The following ZNF556 variants were observed in gnomAD, a reference collection of about 807,000 sequenced individuals.
ZNF556 encodes zinc finger protein 556.
In ZNF556, 11 loss-of-function variants were observed where a neutral mutation model predicts 13.6. The ratio of observed to expected loss-of-function variants is 0.81; its 90% confidence interval spans 0.51 to 1.33. ZNF556 has a LOEUF of 1.33. Ranked by LOEUF, ZNF556 falls within the 40% of genes most tolerant of loss-of-function variation. The pLI is 0.00. For missense variants in ZNF556, 633 were observed against 566.2 expected (o/e 1.12, Z -1.20); for synonymous variants, 229 against 207.8 (o/e 1.10, Z -0.88).
intron 1 of ZNF556, among the ~76,000 whole-genome samples, chr19:2,872,129 T>C (rs927833804): frequency 6.6e-6 from 1 of 152,100 alleles, no homozygotes; most frequent in Admixed American, 6.5e-5. Context: ...TGAAGCACAG[T>C]ATCACAGGGA....
At chr19:2,875,075 C>G (rs2087839502) in intron 2 of ZNF556, 1 of 157,476 alleles carries the variant, frequency 6.4e-6, no homozygotes, top group African/African-American at 2.4e-5. Flanking sequence ...TCAGATGATT[C>G]TGGTTTGGTT....
rs148701751 is a variant in ZNF556, at chr19:2,877,732, G to A, written c.774G>A (p.Pro258=). ...TGATGATGCACGCCGGAGGGAGACC[G>A]TATGAGTGCAAGCACTGTGGGAAAG... ...AHVMMHAGGR[P]YECKHCGKAF... is the part of the protein sequence containing the mutation. The change falls in exon 4 of 4, where the codon CCG becomes CCA. Residue 258 remains proline, a synonymous_variant. Coordinates refer to ENST00000307635, the MANE Select transcript of ZNF556 (RefSeq NM_024967.3). 105 of 1,613,130 alleles carry A rather than the reference G, an allele frequency of 6.5e-5. 1 individual carries two copies. The South Asian group carries it at 8.5e-4, about 13-fold the overall frequency.
chr19:2,873,047 C>T (rs113029766), intron 1 of ZNF556, among the ~76,000 whole-genome samples: 20 of 150,836 alleles, frequency 1.3e-4, no homozygotes, highest in Non-Finnish European at 1.9e-4. Flanking sequence ...GCAGGACAAT[C>T]GCTTGAACCC....
chr19:2,877,190 A>G (rs2087859218), intron 3 of ZNF556, 83 bp from the exon 4 acceptor site: 5 of 1,186,226 alleles, frequency 4.2e-6, no homozygotes, highest in African/African-American at 1.6e-5. Context: ...AGCCTGGGGA[A>G]CAAGAGCAAA....
At position 2,878,261 on chromosome 19, in the gene ZNF556, A is replaced by G. The variant is rs771900877; in HGVS notation, c.1303A>G (p.Ser435Gly). The G allele has an allele frequency of 1.2e-6, 2 of 1,614,114 alleles. No homozygotes were observed. Among genetic ancestry groups the G allele is most frequent in the African/African-American group, 1.3e-5 (1 of 74,946 alleles). ...ATGCGAAAAATGTGGGAAAGCTTTC[A>G]GTTGTCCCAAAGCCTTTCAAGGTCA... ...SKCEKCGKAF[S>G]CPKAFQGHVR... is the part of the protein sequence containing the mutation. Residue 435 changes from serine to glycine, a missense_variant, in exon 4 of 4, where the codon AGT becomes GGT. Coordinates refer to ENST00000307635, the MANE Select transcript of ZNF556 (RefSeq NM_024967.3).
intron 1 of ZNF556, among the ~76,000 whole-genome samples, chr19:2,870,494 C>A (rs1401431330): frequency 6.6e-6 from 1 of 151,894 alleles, no homozygotes; most frequent in Admixed American, 6.6e-5. Flanking sequence ...CGCCTGTAAT[C>A]CCAGCACTTT....
chr19:2,879,185 CCTT>C lies in ZNF556; in HGVS notation c.*861_*863del, dbSNP rs1462246546. 4.6e-5 allele frequency: 7 copies of C among 152,112 alleles called. No homozygotes were observed. Among genetic ancestry groups the C allele is most frequent in the African/African-American group, 1.4e-4 (6 of 41,420 alleles). The allele number at this position is 152,112 out of a possible 1,614,324, so 9.4% of individuals were successfully genotyped here. On this transcript the variant is annotated 3_prime_UTR_variant, in exon 4 of 4. Coordinates refer to ENST00000307635, the MANE Select transcript of ZNF556 (RefSeq NM_024967.3). ...GGCTTTATGCTATTGGTCAGAGAAT[CCTT>C]CTTCATTTTGCTTGTGGACTAATAG... is the stretch of plus-strand genomic sequence containing the variant.
intron 1 of ZNF556, among the ~76,000 whole-genome samples, chr19:2,869,276 T>A (rs993847640): frequency 6.6e-6 from 1 of 152,184 alleles, no homozygotes; most frequent in Non-Finnish European, 1.5e-5. Flanking sequence ...ATTCCAGCTT[T>A]CCTGTGTGAA....
At position 2,877,824 on chromosome 19, in the gene ZNF556, G is replaced by T; in HGVS notation, c.866G>T (p.Cys289Phe). The part of the protein sequence containing the change: ...IMHAGGRPYE[C>F]KQCGKAYCWA... ...CACGCCGGAGGGAGACCGTATGAGT[G>T]CAAGCAGTGTGGGAAAGCCTACTGC... is the stretch of plus-strand genomic sequence containing the variant. Residue 289 changes from cysteine (C) to phenylalanine (F), a missense_variant, in exon 4 of 4, where the codon TGC becomes TTC. Transcript: ENST00000307635. 1 of 1,614,188 alleles carries T rather than the reference G, an allele frequency of 6.2e-7. No homozygotes were observed. The highest frequency in any genetic ancestry group is 8.5e-7 in the Non-Finnish European group (1 of 1,180,030).
At position 2,873,471 on chromosome 19, in the gene ZNF556, T is replaced by G. The variant is rs73918824; in HGVS notation, c.4-25T>G. 3,556 of 1,612,952 alleles carry G rather than the reference T, an allele frequency of 2.2e-3. 58 individuals carry two copies. The African/African-American group carries it at 0.042, about 19-fold the overall frequency. On this transcript the variant is annotated intron_variant, in intron 1 of 3. Coordinates refer to ENST00000307635, the MANE Select transcript of ZNF556 (RefSeq NM_024967.3). ...TGCTGTGAGTTTTACCCCATCCTCATGTACACATATGTGGTTTGTTTTAGG... is the reference window on the plus strand; with the variant it reads ...TGCTGTGAGTTTTACCCCATCCTCAGGTACACATATGTGGTTTGTTTTAGG...
rs566518374 is a variant in ZNF556 at position 2,874,419 on chromosome 19, C to G, written c.130+797C>G. 2.6e-5 allele frequency among the ~76,000 whole-genome samples: 4 copies of G among 152,040 alleles called. No individual in the cohort carries two copies. In the South Asian group the frequency reaches 8.3e-4, roughly 32 times the overall value. On this transcript the variant is annotated intron_variant, in intron 2 of 3. Transcript: ENST00000307635. Reference sequence around the variant, plus strand: ...TCTGTGATAATAAAAATCTACCTATCAATCTGTACTTTTCTTTCTGCCTTG... The same window carrying G: ...TCTGTGATAATAAAAATCTACCTATGAATCTGTACTTTTCTTTCTGCCTTG...
rs527805960 is a variant in ZNF556, at chr19:2,867,353, C to T, written c.-69C>T. On this transcript the variant is annotated 5_prime_UTR_variant, in exon 1 of 4. Transcript: ENST00000307635. The stretch of plus-strand genomic sequence containing the variant: ...CTGCCCTGAGTGACCACAGGTGTCC[C>T]CGTCGTGCTCACCTGCACCGGCTGC... 4 of 1,554,590 alleles carry T rather than the reference C, an allele frequency of 2.6e-6. No homozygotes were observed. The highest frequency in any genetic ancestry group is 3.5e-6 in the Non-Finnish European group (4 of 1,147,116).
At chr19:2,875,538 G>T in intron 2 of ZNF556, 2 of 168,194 alleles carry the variant, frequency 1.2e-5, no homozygotes, top group South Asian at 2.9e-4. Flanking sequence ...CTTTGGTTCT[G>T]GAGACCCTGC....
At position 2,881,591 on chromosome 19, in the gene ZNF556, T is replaced by C. The variant is rs527353174; in HGVS notation, c.*3262T>C. ...AGACTCCATCTCAAAAAAAAAAAAATTTTTTTTTTGGATAATATCAAGGCA... is the reference window on the plus strand; with the variant it reads ...AGACTCCATCTCAAAAAAAAAAAAACTTTTTTTTTGGATAATATCAAGGCA... On this transcript the variant is annotated 3_prime_UTR_variant, in exon 4 of 4. Coordinates refer to ENST00000307635, the MANE Select transcript of ZNF556 (RefSeq NM_024967.3). 6.8e-6 allele frequency: 1 copy of C among 147,656 alleles called. No homozygotes were observed. The highest frequency in any genetic ancestry group is 6.8e-5 in the Admixed American group (1 of 14,664). The allele number at this position is 147,656 out of a possible 1,614,324, so 9.1% of individuals were successfully genotyped here.
chr19:2,877,577 T>C lies in ZNF556; in HGVS notation c.619T>C (p.Ser207Pro), dbSNP rs748768302. ...TGGAGAGAAACCCTATGCCTGTCAA[T>C]CTTGCGGGAAGACATTTCTTCGTTC... ...HSGEKPYACQ[S>P]CGKTFLRSHS... Residue 207 changes from serine to proline, a missense_variant, in exon 4 of 4, where the codon TCT (serine) becomes CCT (proline). By Grantham distance (74) the Ser-to-Pro change is moderately conservative. Coordinates refer to ENST00000307635, the MANE Select transcript of ZNF556 (RefSeq NM_024967.3). The C allele has an allele frequency of 1.2e-6, 2 of 1,614,096 alleles. No individual in the cohort carries two copies.
At position 2,878,193 on chromosome 19, in the gene ZNF556, C is replaced by A; in HGVS notation, c.1235C>A (p.Ser412Tyr). The change falls in exon 4 of 4, where the codon TCT (serine) becomes TAT (tyrosine). Residue 412 changes from serine (S) to tyrosine (Y), a missense_variant. Coordinates refer to ENST00000307635, the MANE Select transcript of ZNF556 (RefSeq NM_024967.3). The stretch of plus-strand genomic sequence containing the variant: ...GGAAAACCTTCAGGCGGGCTTTGCT[C>A]TTCCAAAAATGTAAGAACGCAGATT... ...SVGKPSGGLC[S>Y]SKNVRTQIGQ... 6.2e-7 allele frequency: 1 copy of A among 1,614,176 alleles called. No homozygotes were observed. Among genetic ancestry groups the A allele is most frequent in the Non-Finnish European group, 8.5e-7 (1 of 1,180,040 alleles).
At position 2,882,531 on chromosome 19, in the gene ZNF556, A is replaced by ATATATAGTTGT. The variant is rs57053138; in HGVS notation, c.*4202_*4203insTATATAGTTGT. The stretch of plus-strand genomic sequence containing the variant: ...ATACATTTTATATATATATATATAT[A>ATATATAGTTGT]GTGTGTGTGTGTGTGTGTGTGTGTG... On this transcript the variant is annotated 3_prime_UTR_variant, in exon 4 of 4. Transcript: ENST00000307635. The ATATATAGTTGT allele has an allele frequency of 7.8e-6, 1 of 127,722 alleles. No homozygotes were observed. Among genetic ancestry groups the ATATATAGTTGT allele is most frequent in the African/African-American group, 3.0e-5 (1 of 32,940 alleles). 7.9% of individuals were successfully genotyped at this position (127,722 alleles called of 1,614,324 possible).
In ZNF556 at chr19:2,882,927, G is replaced by A. The variant is rs1464391460; in HGVS notation, c.*4598G>A. ...ACTTCATCTGGATTTGAACCACAAT[G>A]TGGGTGTTTGTTTTTAATACCTTTG... On this transcript the variant is annotated 3_prime_UTR_variant, in exon 4 of 4. Transcript: ENST00000307635. 1 of 152,200 alleles carries A rather than the reference G, an allele frequency of 6.6e-6. No homozygotes were observed. The highest frequency in any genetic ancestry group is 1.5e-5 in the Non-Finnish European group (1 of 68,052). The allele number at this position is 152,200 out of a possible 1,614,324, so 9.4% of individuals were successfully genotyped here.
chr19:2,878,072 T>C lies in ZNF556; in HGVS notation c.1114T>C (p.Cys372Arg). Residue 372 changes from cysteine (C) to arginine (R), a missense_variant, in exon 4 of 4, where the codon TGT becomes CGT. Coordinates refer to ENST00000307635, the MANE Select transcript of ZNF556 (RefSeq NM_024967.3). The part of the protein sequence containing the change: ...KSQTREKVYK[C>R]ETCGKTYGWS... ...ACAAACTAGAGAGAAAGTCTATAAA[T>C]GTGAAACGTGTGGGAAAACGTATGG... 6.2e-7 allele frequency: 1 copy of C among 1,614,104 alleles called. No homozygotes were observed. The highest frequency in any genetic ancestry group is 8.5e-7 in the Non-Finnish European group (1 of 1,180,022).
Sources: gnomAD v4.1 joint callset for allele counts (sites outside exome capture counted in the v4.1 genomes callset) on GRCh38, gnomAD v4.1.1 for gene constraint, MANE v1.5 for transcripts, NCBI Gene and HGNC (gene_info 2026-07-23, HGNC 2026-07-21) for gene names.